FTCDNL1: variants seen among roughly 807,000 people sequenced by gnomAD.
The protein encoded by FTCDNL1 is formiminotransferase cyclodeaminase N-terminal like.
Under a neutral mutation model 5.9 loss-of-function variants are expected in FTCDNL1, and 11 were observed. The ratio of observed to expected loss-of-function variants is 1.87; its 90% confidence interval spans 1.18 to 3.10. The LOEUF (loss-of-function observed/expected upper bound fraction) is 3.10. Ranked by LOEUF, FTCDNL1 falls within the 30% of genes most tolerant of loss-of-function variation. The probability of loss-of-function intolerance (pLI) is 0.00; values close to 1 mark genes in which losing one functional copy is unlikely to be tolerated. For missense variants in FTCDNL1, 115 were observed against 65.5 expected, an observed-to-expected ratio of 1.76 and a Z score of -2.61; for synonymous variants, 58 against 24.8, an observed-to-expected ratio of 2.34 and a Z score of -3.99.
the FTCDNL1 span, among the ~76,000 whole-genome samples, chr2:199,720,461 T>C: frequency 6.6e-6 from 1 of 152,188 alleles, no homozygotes; most frequent in East Asian, 1.9e-4. Flanking sequence ...AAATGTATAC[T>C]CTTCTTGTCT....
chr2:199,676,412 T>C, the FTCDNL1 span, among the ~76,000 whole-genome samples: 7 of 152,116 alleles, frequency 4.6e-5, no homozygotes, highest in Non-Finnish European at 8.8e-5. Flanking sequence ...GGAGGTTTCA[T>C]ATATATTATA....
intron 3 of FTCDNL1, among the ~76,000 whole-genome samples, chr2:199,841,051 T>A (rs2076572135): frequency 6.6e-6 from 1 of 151,724 alleles, no homozygotes. Flanking sequence ...CTCAGCAGGC[T>A]GAGGTGGGAA....
chr2:199,737,233 TA>T, the FTCDNL1 span, among the ~76,000 whole-genome samples: 1 of 152,226 alleles, frequency 6.6e-6, no homozygotes, highest in Non-Finnish European at 1.5e-5. Context: ...AATTTGGGCA[TA>T]ATACTACCCA....
At chr2:199,780,654 C>A (rs1699318424) in intron 3 of FTCDNL1, among the ~76,000 whole-genome samples, 1 of 152,186 alleles carries the variant, frequency 6.6e-6, no homozygotes, top group South Asian at 2.1e-4. Flanking sequence ...GACAGCTTGG[C>A]AAAGTAGCAC....
the FTCDNL1 span, among the ~76,000 whole-genome samples, chr2:199,718,606 G>C: frequency 6.6e-6 from 1 of 152,036 alleles, no homozygotes; most frequent in Non-Finnish European, 1.5e-5. Context: ...TTTATTTTTA[G>C]TTATTTAAGG....
intron 3 of FTCDNL1, 114 bp from the exon 4 acceptor site, chr2:199,819,871 T>C: frequency 1.6e-6 from 1 of 612,592 alleles, no homozygotes; most frequent in East Asian, 2.7e-5. Context: ...ACTCATCATT[T>C]TAGTCATTTC....
rs974611905 is a variant in FTCDNL1 at position 199,817,401 on chromosome 2, A to G, written c.397+2171T>C. ...TCATCTTTAAACATTCATTGTGCCAATTTTGGCATCTTAATGTTTTAACGT... is the reference window on the plus strand; with the variant it reads ...TCATCTTTAAACATTCATTGTGCCAGTTTTGGCATCTTAATGTTTTAACGT... On this transcript the variant is annotated intron_variant, in intron 4 of 4. Coordinates refer to ENST00000420128, the MANE Select transcript of FTCDNL1 (RefSeq NM_001363886.2). Among the ~76,000 whole-genome samples, 4 of 152,244 alleles carry G rather than the reference A, an allele frequency of 2.6e-5. No homozygotes were observed. The South Asian group carries it at 8.3e-4, about 32-fold the overall frequency.
At chr2:199,746,811 G>T in the FTCDNL1 span, among the ~76,000 whole-genome samples, 1 of 151,390 alleles carries the variant, frequency 6.6e-6, no homozygotes, top group Non-Finnish European at 1.5e-5. Context: ...TAAACGAAAA[G>T]CCTCCATCCC....
the FTCDNL1 span, among the ~76,000 whole-genome samples, chr2:199,716,126 A>T: frequency 6.6e-6 from 1 of 151,100 alleles, no homozygotes. Context: ...ATTCTGAATA[A>T]TTGGCAGTTC....
downstream of FTCDNL1, among the ~76,000 whole-genome samples, chr2:199,756,871 G>A (rs1157052352): frequency 6.6e-6 from 1 of 152,186 alleles, no homozygotes; most frequent in Admixed American, 6.5e-5. Context: ...GGACATGGCT[G>A]TTCTTCTGGC....
At chr2:199,801,051 G>T (rs527559766) in intron 3 of FTCDNL1, among the ~76,000 whole-genome samples, 8 of 152,248 alleles carry the variant, frequency 5.3e-5, no homozygotes, top group Non-Finnish European at 1.0e-4. Flanking sequence ...TTTGATCCTC[G>T]TTTTTCCTCC....
chr2:199,735,409 A>C, the FTCDNL1 span, among the ~76,000 whole-genome samples: 1 of 152,176 alleles, frequency 6.6e-6, no homozygotes, highest in African/African-American at 2.4e-5. Flanking sequence ...TGTGCATAAA[A>C]ATATTTTACA....
At chr2:199,844,352 G>A (rs1559249306) in intron 3 of FTCDNL1, 3 of 486,018 alleles carry the variant, frequency 6.2e-6, no homozygotes, top group East Asian at 3.3e-5. Flanking sequence ...CAGTAAGAAA[G>A]AACACATAAC....
the FTCDNL1 span, among the ~76,000 whole-genome samples, chr2:199,714,859 C>T: frequency 1.3e-5 from 2 of 150,744 alleles, no homozygotes; most frequent in African/African-American, 2.4e-5. Context: ...AACCAAACAC[C>T]GCATGTTCTC....
the FTCDNL1 span, among the ~76,000 whole-genome samples, chr2:199,706,647 G>A: frequency 2.0e-4 from 31 of 152,170 alleles, no homozygotes; most frequent in Non-Finnish European, 3.8e-4. Flanking sequence ...CAGATGGCAA[G>A]GCCATTGGTT....
At chr2:199,743,310 A>G in the FTCDNL1 span, among the ~76,000 whole-genome samples, 1 of 152,232 alleles carries the variant, frequency 6.6e-6, no homozygotes, top group Admixed American at 6.5e-5. Context: ...AAGCCCCTCG[A>G]AAGACTCTCA....
At chr2:199,665,630 G>A in the FTCDNL1 span, among the ~76,000 whole-genome samples, 6 of 85,984 alleles carry the variant, frequency 7.0e-5, no homozygotes, top group South Asian at 7.0e-4. Context: ...GCAAAACTTC[G>A]TCTTAAAAAA....
the FTCDNL1 span, among the ~76,000 whole-genome samples, chr2:199,704,308 A>C: frequency 6.6e-6 from 1 of 152,196 alleles, no homozygotes; most frequent in African/African-American, 2.4e-5. Flanking sequence ...AATTACTGTA[A>C]GTTAAAAAGA....
At chr2:199,843,542 A>AT (rs2106634154) in intron 3 of FTCDNL1, among the ~76,000 whole-genome samples, 1 of 152,318 alleles carries the variant, frequency 6.6e-6, no homozygotes, top group African/African-American at 2.4e-5. Flanking sequence ...AAAATGCAGC[A>AT]TAAGTAGTGA....
Sources: gnomAD v4.1 joint callset for allele counts (sites outside exome capture counted in the v4.1 genomes callset) on GRCh38, gnomAD v4.1.1 for gene constraint, MANE v1.5 for transcripts, NCBI Gene and HGNC (gene_info 2026-07-23, HGNC 2026-07-21) for gene names.